IL19: variants seen among roughly 807,000 people sequenced by gnomAD.
IL19 encodes interleukin-19.
In IL19, 15 loss-of-function variants were observed where a neutral mutation model predicts 19.5. The observed-to-expected ratio is 0.77, with a 90% CI of 0.52 to 1.19. The LOEUF (loss-of-function observed/expected upper bound fraction) is 1.19. IL19 is among the 50% of genes most tolerant of loss of function. The pLI is 0.00. For synonymous variants in IL19, 78 were observed against 78.3 expected (o/e 1.00, Z 0.02); for missense variants, 199 against 213.1 (o/e 0.93, Z 0.41).
rs760571248 is a variant in IL19, at chr1:206,836,806, C to T, written c.144C>T (p.Ile48=). The change falls in exon 3 of 7, where the codon ATC becomes ATT. Residue 48 remains isoleucine (I), a splice_region_variant and synonymous_variant. Coordinates refer to ENST00000659997, the MANE Select transcript of IL19 (RefSeq NM_153758.5). The part of the protein sequence containing the change: ...EESFQEIKRA[I]QAKDTFPNVT... ...GTTTCCAAGAAATCAAAAGAGCCAT[C>T]GTGAGTATGGGTTGGTGTAAAGGTG... is the stretch of plus-strand genomic sequence containing the variant. 1.1e-5 allele frequency: 18 copies of T among 1,614,086 alleles called. No individual in the cohort carries two copies. The highest frequency in any genetic ancestry group is 2.2e-5 in the East Asian group (1 of 44,886).
intron 1 of IL19, 89 bp from the exon 2 acceptor site, chr1:206,798,772 T>C (rs1675595716): frequency 4.6e-6 from 3 of 645,224 alleles, no homozygotes; most frequent in Admixed American, 2.9e-5. Context: ...GGTTGCCGTG[T>C]GTGCACTTTT....
At chr1:206,800,934 C>T (rs1675666632) in intron 2 of IL19, among the ~76,000 whole-genome samples, 1 of 152,162 alleles carries the variant, frequency 6.6e-6, no homozygotes, top group Non-Finnish European at 1.5e-5. Context: ...TGGCCAGAAA[C>T]ATATTCCAGA....
At chr1:206,777,864 G>A (rs1675046522) in intron 1 of IL19, among the ~76,000 whole-genome samples, 1 of 152,278 alleles carries the variant, frequency 6.6e-6, no homozygotes, top group Non-Finnish European at 1.5e-5. Flanking sequence ...GTATTCCCTC[G>A]AATAAGCTTC....
chr1:206,785,048 A>C (rs2102450928), intron 1 of IL19, among the ~76,000 whole-genome samples: 1 of 152,328 alleles, frequency 6.6e-6, no homozygotes, highest in Admixed American at 6.5e-5. Flanking sequence ...GAAGTATTAA[A>C]GTCCCCCAAT....
At chr1:206,785,556 G>A (rs910911340) in intron 1 of IL19, among the ~76,000 whole-genome samples, 2 of 152,234 alleles carry the variant, frequency 1.3e-5, no homozygotes, top group Non-Finnish European at 2.9e-5. Context: ...ATGTGGTTAA[G>A]CAGAGCAGAA....
In IL19 at chr1:206,798,887, G is replaced by A; in HGVS notation, c.-122G>A. 6.2e-7 allele frequency: 1 copy of A among 1,603,084 alleles called. No homozygotes were observed. Among genetic ancestry groups the A allele is most frequent in the Non-Finnish European group, 8.5e-7 (1 of 1,171,700 alleles). On this transcript the variant is annotated 5_prime_UTR_variant, in exon 2 of 7. Transcript: ENST00000659997. Reference sequence around the variant, plus strand: ...GCGGTGCTTGCACACACTGACAGGAGTCCAAGAATGTGCACTGAGGGAGCG... The same window carrying A: ...GCGGTGCTTGCACACACTGACAGGAATCCAAGAATGTGCACTGAGGGAGCG...
At chr1:206,817,459 C>A (rs910733713) in intron 2 of IL19, among the ~76,000 whole-genome samples, 1 of 152,216 alleles carries the variant, frequency 6.6e-6, no homozygotes, top group African/African-American at 2.4e-5. Flanking sequence ...TCTAGCACAT[C>A]CAGCAGCAAG....
chr1:206,826,665 T>C (rs1382661505), intron 2 of IL19, among the ~76,000 whole-genome samples: 1 of 152,194 alleles, frequency 6.6e-6, no homozygotes, highest in South Asian at 2.1e-4. Flanking sequence ...GGAGAAGCTC[T>C]TTTCAACTGA....
intron 2 of IL19, among the ~76,000 whole-genome samples, chr1:206,835,441 C>G (rs79336973): frequency 4.6e-5 from 7 of 152,124 alleles, no homozygotes; most frequent in Non-Finnish European, 7.4e-5. Flanking sequence ...GAGAGACAGG[C>G]AAAAATGGTT....
intron 1 of IL19, among the ~76,000 whole-genome samples, chr1:206,793,681 C>A (rs1260929167): frequency 6.6e-6 from 1 of 152,156 alleles, no homozygotes; most frequent in Non-Finnish European, 1.5e-5. Flanking sequence ...ATGCCTGGAA[C>A]CTCAAACAAC....
At chr1:206,820,923 C>T (rs1033534931) in intron 2 of IL19, among the ~76,000 whole-genome samples, 2 of 152,162 alleles carry the variant, frequency 1.3e-5, no homozygotes, top group African/African-American at 2.4e-5. Context: ...TCCATGAATC[C>T]TCAAAGACTC....
intron 2 of IL19, among the ~76,000 whole-genome samples, chr1:206,828,554 A>G (rs923260800): frequency 1.3e-5 from 2 of 152,218 alleles, no homozygotes; most frequent in Non-Finnish European, 2.9e-5. Context: ...CAACATCTTG[A>G]GTATGTGACC....
chr1:206,778,889 A>G (rs1165299744), intron 1 of IL19, among the ~76,000 whole-genome samples: 1 of 152,148 alleles, frequency 6.6e-6, no homozygotes, highest in Admixed American at 6.5e-5. Context: ...TCTCTAATCT[A>G]CTGATTTGTC....
At chr1:206,786,538 G>A (rs1675273746) in intron 1 of IL19, among the ~76,000 whole-genome samples, 1 of 152,118 alleles carries the variant, frequency 6.6e-6, no homozygotes, top group Non-Finnish European at 1.5e-5. Context: ...CCATAGCTGG[G>A]GCTGCTGTTT....
intron 2 of IL19, among the ~76,000 whole-genome samples, chr1:206,835,845 G>A (rs1003982611): frequency 6.6e-6 from 1 of 152,240 alleles, no homozygotes; most frequent in Non-Finnish European, 1.5e-5. Flanking sequence ...TTCTCTGTGC[G>A]CATTATGTGG....
At chr1:206,829,112 G>A (rs549662275) in intron 2 of IL19, 2 of 147,630 alleles carry the variant, frequency 1.4e-5, no homozygotes, top group African/African-American at 5.0e-5. Flanking sequence ...GCTTCCCAAA[G>A]TGCAGAGATT....
chr1:206,773,422 T>C (rs1221342776), intron 1 of IL19, among the ~76,000 whole-genome samples: 2 of 152,182 alleles, frequency 1.3e-5, no homozygotes, highest in African/African-American at 4.8e-5. Flanking sequence ...AGTTGTAAGC[T>C]TCTGTGGCTG....
intron 1 of IL19, among the ~76,000 whole-genome samples, chr1:206,796,812 G>A (rs1675536834): frequency 6.6e-6 from 1 of 152,154 alleles, no homozygotes; most frequent in South Asian, 2.1e-4. Flanking sequence ...AGTGACACAT[G>A]ACTGTATTTT....
intron 1 of IL19, among the ~76,000 whole-genome samples, chr1:206,782,372 A>G (rs1472006959): frequency 1.3e-5 from 2 of 151,932 alleles, no homozygotes; most frequent in Non-Finnish European, 2.9e-5. Flanking sequence ...GGAAAAGGGA[A>G]GACCTCTCAG....
Sources: allele counts gnomAD v4.1 joint callset (sites outside exome capture counted in the v4.1 genomes callset), GRCh38; gene constraint gnomAD v4.1.1; transcripts MANE v1.5; gene names NCBI Gene and HGNC (gene_info 2026-07-23, HGNC 2026-07-21).